SAXO4: variants seen among roughly 807,000 people sequenced by gnomAD.
The protein encoded by SAXO4 is stabilizer of axonemal microtubules 4, also known as protein phosphatase 1 regulatory subunit 32.
At chr11:61,481,603 G>C in the SAXO4 span, among the ~76,000 whole-genome samples, 4 of 152,226 alleles carry the variant, frequency 2.6e-5, no homozygotes, top group African/African-American at 4.8e-5. Flanking sequence ...GAGGACTCTT[G>C]GGATAAGTGT....
chr11:61,489,899 C>G, the SAXO4 span: 1 of 1,613,784 alleles, frequency 6.2e-7, no homozygotes, highest in Non-Finnish European at 8.5e-7. Context: ...TGGAGGCCAC[C>G]CCCAACCCCA....
At chr11:61,482,722 G>A in the SAXO4 span, 13 of 1,614,016 alleles carry the variant, frequency 8.1e-6, 1 homozygote, top group South Asian at 2.2e-5. Flanking sequence ...GGTGCCTGAC[G>A]GCAAGCATCC....
chr11:61,483,005 C>T, the SAXO4 span, among the ~76,000 whole-genome samples: 8 of 151,818 alleles, frequency 5.3e-5, no homozygotes, highest in African/African-American at 1.9e-4. Flanking sequence ...CCTGCCCCAG[C>T]CCCACCATTA....
chr11:61,490,401 T>C, the SAXO4 span: 5 of 1,103,432 alleles, frequency 4.5e-6, no homozygotes, highest in South Asian at 2.5e-5. Context: ...GGCTGAACCC[T>C]GGCTATGCTC....
At chr11:61,487,877 G>A in the SAXO4 span, among the ~76,000 whole-genome samples, 1 of 152,204 alleles carries the variant, frequency 6.6e-6, no homozygotes, top group African/African-American at 2.4e-5. Context: ...GCATCAGGGA[G>A]GGCTTCCAGG....
chr11:61,488,255 G>C, the SAXO4 span, among the ~76,000 whole-genome samples: 1 of 150,828 alleles, frequency 6.6e-6, no homozygotes, highest in African/African-American at 2.4e-5. Flanking sequence ...CCAAAGTGCT[G>C]GGATAACAGG....
the SAXO4 span, chr11:61,489,744 A>G: frequency 6.2e-7 from 1 of 1,609,926 alleles, no homozygotes; most frequent in Non-Finnish European, 8.5e-7. Flanking sequence ...AGGTGGGCAG[A>G]GTCCAGCTTC....
the SAXO4 span, chr11:61,484,887 A>G: frequency 6.7e-7 from 1 of 1,502,490 alleles, no homozygotes; most frequent in Non-Finnish European, 8.9e-7. Context: ...CTCCCACCTC[A>G]AGACAAGTAT....
the SAXO4 span, among the ~76,000 whole-genome samples, chr11:61,488,543 A>T: frequency 6.6e-6 from 1 of 152,044 alleles, no homozygotes; most frequent in Admixed American, 6.5e-5. Context: ...TGACCTCGTG[A>T]TCTGCCCGCC....
chr11:61,485,311 C>T, the SAXO4 span: 1 of 1,610,496 alleles, frequency 6.2e-7, no homozygotes, highest in Non-Finnish European at 8.5e-7. Context: ...GGTCAGTGCC[C>T]CCACTCCTCC....
the SAXO4 span, among the ~76,000 whole-genome samples, chr11:61,483,236 G>A: frequency 2.8e-3 from 403 of 143,598 alleles, 4 homozygotes; most frequent in African/African-American, 0.01. Context: ...GCACGATCTC[G>A]GCTCACTGCA....
the SAXO4 span, chr11:61,487,285 C>T: frequency 6.7e-7 from 1 of 1,481,862 alleles, no homozygotes; most frequent in South Asian, 1.1e-5. Flanking sequence ...ATTTGAGAAA[C>T]AGACTGAGAC....
chr11:61,489,886 G>A, the SAXO4 span: 11 of 1,613,790 alleles, frequency 6.8e-6, no homozygotes, highest in Non-Finnish European at 9.3e-6. Context: ...CCGGTCAGCT[G>A]CATGGAGGCC....
At chr11:61,486,951 C>A in the SAXO4 span, 2 of 1,613,616 alleles carry the variant, frequency 1.2e-6, no homozygotes, top group Non-Finnish European at 8.5e-7. Context: ...CCTGCAGGTG[C>A]CCCCTCCCTG....
At chr11:61,487,110 G>C in the SAXO4 span, 1 of 1,612,432 alleles carries the variant, frequency 6.2e-7, no homozygotes, top group East Asian at 2.2e-5. Flanking sequence ...CACCCCTTCT[G>C]ACTTGACAAT....
the SAXO4 span, chr11:61,481,903 T>C: frequency 6.3e-7 from 1 of 1,581,930 alleles, no homozygotes. Context: ...CGCCACCAGC[T>C]ACTGCACCGC....
At chr11:61,483,316 G>A in the SAXO4 span, among the ~76,000 whole-genome samples, 7 of 151,940 alleles carry the variant, frequency 4.6e-5, no homozygotes, top group East Asian at 1.4e-3. Flanking sequence ...ACAGGCATGT[G>A]CCACCACACC....
the SAXO4 span, chr11:61,486,912 C>A: frequency 6.3e-7 from 1 of 1,585,410 alleles, no homozygotes; most frequent in Non-Finnish European, 8.7e-7. Flanking sequence ...AGGCTGGCCA[C>A]CTCAGCCTCC....
At chr11:61,488,955 TTGA>T in the SAXO4 span, 2 of 152,394 alleles carry the variant, frequency 1.3e-5, no homozygotes, top group African/African-American at 2.4e-5. Flanking sequence ...ATCGGTGGCC[TTGA>T]GCAGGTGACG....
Sources: gnomAD v4.1 joint callset for allele counts (sites outside exome capture counted in the v4.1 genomes callset) on GRCh38, gnomAD v4.1.1 for gene constraint, MANE v1.5 for transcripts, NCBI Gene and HGNC (gene_info 2026-07-23, HGNC 2026-07-21) for gene names.